ARSG: variants seen among roughly 807,000 people sequenced by gnomAD.
The protein encoded by ARSG is ASG.
ARSG carries 37 observed loss-of-function variants against 50.5 expected under a neutral mutation model. The ratio of observed to expected loss-of-function variants is 0.73; its 90% CI spans 0.56 to 0.96. ARSG has a LOEUF of 0.96. ARSG is among the 50% of genes least tolerant of loss of function. The pLI is 0.00. For synonymous variants in ARSG, 225 were observed against 254.6 expected, an observed-to-expected ratio of 0.88 and a Z score of 1.11; for missense variants, 629 against 675.3, an observed-to-expected ratio of 0.93 and a Z score of 0.76.
chr17:68,294,666 G>C (rs1555757513), intron 1 of ARSG, among the ~76,000 whole-genome samples: 1 of 152,154 alleles, frequency 6.6e-6, no homozygotes, highest in Non-Finnish European at 1.5e-5. Flanking sequence ...CTCCCACCCA[G>C]GGGCTTGTGT....
chr17:68,337,102 G>T (rs1599773589), intron 2 of ARSG, among the ~76,000 whole-genome samples: 1 of 152,124 alleles, frequency 6.6e-6, no homozygotes, highest in African/African-American at 2.4e-5. Flanking sequence ...AGGCAGCCCT[G>T]ATGGGTTCTC....
At chr17:68,450,381 C>T in the ARSG span, among the ~76,000 whole-genome samples, 2 of 152,166 alleles carry the variant, frequency 1.3e-5, no homozygotes, top group Admixed American at 6.5e-5. Flanking sequence ...CCAGAAGAGT[C>T]GCTCCTCTGA....
At chr17:68,324,070 CAAAAAAAA>C (rs57040262) in intron 2 of ARSG, among the ~76,000 whole-genome samples, 1 of 89,842 alleles carries the variant, frequency 1.1e-5, no homozygotes, top group Non-Finnish European at 2.1e-5. Context: ...AAAACTCCAT[CAAAAAAAA>C]AAAAAAAAAA....
chr17:68,388,794 G>A lies in ARSG; in HGVS notation c.1091+3622G>A, dbSNP rs909818129. Among the ~76,000 whole-genome samples the A allele has an allele frequency of 6.6e-5, 10 of 151,966 alleles. No individual in the cohort carries two copies. The East Asian group carries it at 1.4e-3, about 21-fold the overall frequency. On this transcript the variant is annotated intron_variant, in intron 9 of 11. Coordinates refer to ENST00000621439, the MANE Select transcript of ARSG (RefSeq NM_001267727.2). Reference sequence around the variant, plus strand: ...ACAAAAATTAGCCGGGCGTGGTGGCGCGTGCCTGTAATCCCAGCTATTCAG... The same window carrying A: ...ACAAAAATTAGCCGGGCGTGGTGGCACGTGCCTGTAATCCCAGCTATTCAG...
chr17:68,352,167 G>GGAT (rs2078825903), intron 5 of ARSG, among the ~76,000 whole-genome samples: 1 of 144,664 alleles, frequency 6.9e-6, no homozygotes, highest in Non-Finnish European at 1.5e-5. Flanking sequence ...GAGAGACAGA[G>GGAT]AGAGAGAGAG....
downstream of ARSG, chr17:68,422,040 T>C: frequency 3.4e-6 from 2 of 588,704 alleles, no homozygotes; most frequent in Non-Finnish European, 6.1e-6. Context: ...TATAAAAATG[T>C]CTCTGTGTGT....
the ARSG span, chr17:68,428,905 A>T: frequency 6.2e-7 from 1 of 1,614,150 alleles, no homozygotes. Flanking sequence ...CCACTGGATG[A>T]CGCAACTAGC....
At chr17:68,309,152 G>T (rs1418405290) in intron 2 of ARSG, among the ~76,000 whole-genome samples, 2 of 152,242 alleles carry the variant, frequency 1.3e-5, no homozygotes, top group African/African-American at 2.4e-5. Flanking sequence ...TGCTGGCCCG[G>T]GTTCTAAGCC....
At chr17:68,311,394 G>A (rs1466159952) in intron 2 of ARSG, among the ~76,000 whole-genome samples, 1 of 152,284 alleles carries the variant, frequency 6.6e-6, no homozygotes, top group East Asian at 1.9e-4. Context: ...GCTGCTTTCT[G>A]TGGTGGCTGT....
intron 2 of ARSG, among the ~76,000 whole-genome samples, chr17:68,309,278 C>G (rs1190067014): frequency 6.6e-5 from 10 of 152,244 alleles, no homozygotes; most frequent in African/African-American, 2.4e-4. Flanking sequence ...CCCCAGTTCC[C>G]GCTCGCGCCT....
chr17:68,427,815 G>T, the ARSG span, among the ~76,000 whole-genome samples: 1 of 152,200 alleles, frequency 6.6e-6, no homozygotes, highest in Non-Finnish European at 1.5e-5. Flanking sequence ...GGGGGCGGTG[G>T]CAGCTCTGGT....
chr17:68,339,622 C>T (rs1429762167), intron 2 of ARSG, among the ~76,000 whole-genome samples: 3 of 152,132 alleles, frequency 2.0e-5, no homozygotes, highest in Non-Finnish European at 4.4e-5. Context: ...TGTAGAATAT[C>T]AAAATACTGG....
chr17:68,355,432 C>T (rs1029454774), intron 5 of ARSG, among the ~76,000 whole-genome samples: 1 of 152,222 alleles, frequency 6.6e-6, no homozygotes, highest in South Asian at 2.1e-4. Flanking sequence ...AATCTCAGCT[C>T]ACTGCAACCT....
intron 2 of ARSG, among the ~76,000 whole-genome samples, chr17:68,323,773 G>A (rs1375604836): frequency 5.3e-5 from 8 of 152,140 alleles, no homozygotes; most frequent in African/African-American, 1.4e-4. Flanking sequence ...CAGACCCACT[G>A]TCAAAGATCA....
At chr17:68,433,450 G>A in the ARSG span, 1 of 1,608,374 alleles carries the variant, frequency 6.2e-7, no homozygotes, top group Non-Finnish European at 8.5e-7. Context: ...AGCATTTGGT[G>A]CCCCGCGGAG....
chr17:68,280,083 G>A (rs550282101), intron 1 of ARSG, among the ~76,000 whole-genome samples: 5 of 150,898 alleles, frequency 3.3e-5, no homozygotes, highest in Non-Finnish European at 7.4e-5. Flanking sequence ...TCAGGAAGCT[G>A]AGGCAGGAGA....
the ARSG span, chr17:68,450,614 T>G: frequency 7.3e-7 from 1 of 1,367,704 alleles, no homozygotes; most frequent in Non-Finnish European, 1.0e-6. Context: ...AGTGTTAACA[T>G]TCTCATTAGA....
chr17:68,451,896 T>C, the ARSG span, among the ~76,000 whole-genome samples: 1 of 152,226 alleles, frequency 6.6e-6, no homozygotes, highest in Non-Finnish European at 1.5e-5. Context: ...TTCATATGTG[T>C]GCCTTTCTTC....
At chr17:68,290,396 T>C (rs1468206489), upstream of ARSG, among the ~76,000 whole-genome samples, 5 of 152,218 alleles carry the variant, frequency 3.3e-5, no homozygotes, top group African/African-American at 1.2e-4. Context: ...CATCTTCCCT[T>C]GCTACGGAAC....
Sources: gnomAD v4.1 joint callset for allele counts (sites outside exome capture counted in the v4.1 genomes callset) on GRCh38, gnomAD v4.1.1 for gene constraint, MANE v1.5 for transcripts, NCBI Gene and HGNC (gene_info 2026-07-23, HGNC 2026-07-21) for gene names.